The following CSMD2 variants were observed in gnomAD, a reference collection of about 807,000 sequenced individuals.
CSMD2 encodes the protein CUB and sushi domain-containing protein 2.
CSMD2 carries 130 observed loss-of-function variants against 398.5 expected under a neutral mutation model. The ratio of observed to expected loss-of-function variants is 0.33; its 90% CI spans 0.28 to 0.38. The LOEUF (loss-of-function observed/expected upper bound fraction) is 0.38, where lower values mean the gene tolerates loss of function less well. CSMD2 is among the 10% of genes least tolerant of loss of function. The pLI is 1.00. For synonymous variants in CSMD2, 1,828 were observed against 1,908.5 expected (o/e 0.96, Z 1.10); for missense variants, 3,829 against 4,764.9 (o/e 0.80, Z 5.78).
chr1:34,108,248 G>C (rs1660710016), intron 1 of CSMD2, among the ~76,000 whole-genome samples: 1 of 149,276 alleles, frequency 6.7e-6, no homozygotes. Context: ...AAATGAGAGA[G>C]AGAAAAAGAA....
intron 1 of CSMD2, among the ~76,000 whole-genome samples, chr1:34,103,391 C>T (rs1429865780): frequency 1.3e-5 from 2 of 150,920 alleles, no homozygotes; most frequent in Non-Finnish European, 1.5e-5. Flanking sequence ...CTCCGCCTCC[C>T]GGGTTCACGC....
chr1:33,537,971 G>A lies in CSMD2; in HGVS notation c.9632-362C>T, dbSNP rs185431999. 1.8e-4 allele frequency among the ~76,000 whole-genome samples: 28 copies of A among 152,254 alleles called. No homozygotes were observed. The highest frequency in any genetic ancestry group is 5.1e-4 in the African/African-American group (21 of 41,548). On this transcript the variant is annotated intron_variant, in intron 60 of 70. Coordinates refer to ENST00000373381, the MANE Select transcript of CSMD2 (RefSeq NM_001281956.2). The surrounding 1 kb of genome is among the most constrained non-coding windows in gnomAD (Gnocchi z 4.6). ...AGTTGTATGGAAACTTGTGCGGAGC[G>A]GCAAACCCAAGCCTATGTGATCGTA...
Position 34,088,991 on chromosome 1 carries a change from C to A in CSMD2, c.390G>T (p.Glu130Asp). 6.2e-7 allele frequency: 1 copy of A among 1,613,780 alleles called. No individual in the cohort carries two copies. Among genetic ancestry groups the A allele is most frequent in the Non-Finnish European group, 8.5e-7 (1 of 1,179,998 alleles). ...LSVFDGPPQP[E>D]NLRTRLTGFQ... ...CAGCATGGTACCTCGTACGCAGATTCTCTGGCTGGGGTGGACCATCAAACA... is the reference window on the plus strand; with the variant it reads ...CAGCATGGTACCTCGTACGCAGATTATCTGGCTGGGGTGGACCATCAAACA... Residue 130 changes from glutamate (E) to aspartate (D), a missense_variant, in exon 2 of 71, where the codon GAG becomes GAT. This residue lies in a region of CSMD2 where 184 missense variants were observed against 217.7 expected (regional missense o/e 0.85). Transcript: ENST00000373381.
chr1:33,960,320 T>G (rs775350211), intron 3 of CSMD2, among the ~76,000 whole-genome samples: 19 of 152,184 alleles, frequency 1.2e-4, no homozygotes, highest in Non-Finnish European at 2.5e-4. Context: ...ATCTCACATC[T>G]GCTCTGCCCC....
intron 3 of CSMD2, among the ~76,000 whole-genome samples, chr1:34,019,210 C>T (rs1184098054): frequency 6.6e-6 from 1 of 152,182 alleles, no homozygotes; most frequent in African/African-American, 2.4e-5. Flanking sequence ...CATTATCATC[C>T]TGACGATCAT....
chr1:33,830,753 A>T (rs1166628331), intron 6 of CSMD2, among the ~76,000 whole-genome samples: 1 of 152,216 alleles, frequency 6.6e-6, no homozygotes, highest in African/African-American at 2.4e-5. Context: ...AAAGAAGTTG[A>T]AAACTTTGAA....
chr1:33,707,687 G>GCGCA (rs1645837790), intron 22 of CSMD2, among the ~76,000 whole-genome samples: 1 of 42,542 alleles, frequency 2.4e-5, no homozygotes, highest in Non-Finnish European at 4.3e-5. Flanking sequence ...GTGCACACGC[G>GCGCA]CGCGCGCGCA....
rs527753089 is a variant in CSMD2 at position 33,846,346 on chromosome 1, G to A, written c.1033+538C>T. 3.3e-5 allele frequency among the ~76,000 whole-genome samples: 5 copies of A among 152,302 alleles called. No homozygotes were observed. In the East Asian group the frequency reaches 9.7e-4, roughly 29 times the overall value. On this transcript the variant is annotated intron_variant, in intron 6 of 70. Transcript: ENST00000373381. ...CATCAAAGCTATCATGCTCCCTAAA[G>A]TGATTTTGGAATATATTCATGTTTT...
At chr1:33,658,184 C>T in intron 26 of CSMD2, 47 bp from the exon 27 acceptor site, 1 of 1,540,904 alleles carries the variant, frequency 6.5e-7, no homozygotes, top group South Asian at 1.2e-5. Flanking sequence ...TGGGTGTCTG[C>T]CACTCAGGAG....
intron 7 of CSMD2, among the ~76,000 whole-genome samples, chr1:33,823,810 ATATT>A (rs1386121115): frequency 6.6e-6 from 1 of 152,212 alleles, no homozygotes; most frequent in African/African-American, 2.4e-5. Context: ...AGAGATATAT[ATATT>A]TATTTTGCAA....
At chr1:34,023,122 C>A (rs1178317793) in intron 3 of CSMD2, among the ~76,000 whole-genome samples, 2 of 152,166 alleles carry the variant, frequency 1.3e-5, no homozygotes, top group Admixed American at 6.5e-5. Flanking sequence ...AGGTGTAAGC[C>A]ACCACACTCG....
At chr1:33,979,371 T>A (rs1646083736) in intron 3 of CSMD2, among the ~76,000 whole-genome samples, 1 of 139,970 alleles carries the variant, frequency 7.1e-6, no homozygotes, top group African/African-American at 2.4e-5. Context: ...ATCTTTGAAT[T>A]AATGGGACAG....
At chr1:34,095,475 G>C (rs1296188876) in intron 1 of CSMD2, among the ~76,000 whole-genome samples, 2 of 150,950 alleles carry the variant, frequency 1.3e-5, no homozygotes, top group Non-Finnish European at 3.0e-5. Flanking sequence ...CCAGGAGCTG[G>C]TTTTTTGAAA....
intron 5 of CSMD2, chr1:33,864,572 A>G (rs748997244): frequency 6.2e-7 from 1 of 1,614,056 alleles, no homozygotes; most frequent in South Asian, 1.1e-5. Flanking sequence ...CCAAGGCCAC[A>G]GGGAAGATGT....
chr1:33,957,906 T>C (rs936193406), intron 3 of CSMD2, among the ~76,000 whole-genome samples: 1 of 150,616 alleles, frequency 6.6e-6, no homozygotes, highest in African/African-American at 2.5e-5. Flanking sequence ...CATGTGCCTG[T>C]ACTAGACCCA....
At chr1:33,865,576 G>A (rs1030010160) in intron 5 of CSMD2, among the ~76,000 whole-genome samples, 7 of 152,118 alleles carry the variant, frequency 4.6e-5, no homozygotes, top group African/African-American at 1.7e-4. Context: ...TTGGCTCAGT[G>A]GTGGGCATGT....
Position 33,962,402 on chromosome 1 carries a change from T to A in CSMD2, c.518-26448A>T, listed in dbSNP as rs183273042. Among the ~76,000 whole-genome samples, 11 of 152,226 alleles carry A rather than the reference T, an allele frequency of 7.2e-5. No homozygotes were observed. The East Asian group carries it at 1.7e-3, about 24-fold the overall frequency. On this transcript the variant is annotated intron_variant, in intron 3 of 70. Transcript: ENST00000373381. ...TTGAGTAAAGCATGTGCAGCATCTGTGCAAACACACATGCTCTGTGGAATC... is the reference window on the plus strand; with the variant it reads ...TTGAGTAAAGCATGTGCAGCATCTGAGCAAACACACATGCTCTGTGGAATC...
chr1:33,677,153 G>T (rs547856090), intron 25 of CSMD2, among the ~76,000 whole-genome samples: 21 of 152,154 alleles, frequency 1.4e-4, no homozygotes, highest in East Asian at 1.4e-3. Context: ...CAAAAGAAAC[G>T]AACATCAGAG....
At chr1:33,705,449 C>T (rs1645743994) in intron 22 of CSMD2, among the ~76,000 whole-genome samples, 1 of 152,066 alleles carries the variant, frequency 6.6e-6, no homozygotes, top group African/African-American at 2.4e-5. Flanking sequence ...CTCGTTGATA[C>T]CAAAGTTTCT....
Sources: allele counts gnomAD v4.1 joint callset (sites outside exome capture counted in the v4.1 genomes callset), GRCh38; gene constraint gnomAD v4.1.1; regional missense constraint gnomAD v4.1.1; non-coding constraint Gnocchi (gnomAD v3.1); transcripts MANE v1.5; gene names NCBI Gene and HGNC (gene_info 2026-07-23, HGNC 2026-07-21).